Variants in PAPPA observed in about 807,000 individuals in gnomAD.
PAPPA encodes the protein pappalysin-1.
In PAPPA, 60 loss-of-function variants were observed where a neutral mutation model predicts 164.0. The observed-to-expected ratio is 0.37, with a 90% CI of 0.30 to 0.45. The LOEUF is 0.45. PAPPA is among the 20% of genes least tolerant of loss of function. The pLI, the probability that PAPPA is intolerant of heterozygous loss-of-function variation, is 1.00. For synonymous variants in PAPPA, 875 were observed against 814.1 expected (o/e 1.07, Z -1.27); for missense variants, 1,782 against 2,087.3 (o/e 0.85, Z 2.85).
chr9:116,334,945 C>A lies in PAPPA; in HGVS notation c.3482C>A (p.Ala1161Glu), dbSNP rs375673848. The change falls in exon 13 of 22, where the codon GCG becomes GAG. Residue 1161 changes from alanine to glutamate, a missense_variant. Transcript: ENST00000328252. ...AGCCAGCCCTTCTACCACAGCCAGG[C>A]GGTACGTGTGAGCTTCAGTTCGCCC... ...DLSQPFYHSQ[A>E]VRVSFSSPLV... is the part of the protein sequence containing the mutation. 1.2e-6 allele frequency: 2 copies of A among 1,613,546 alleles called. No individual in the cohort carries two copies. Among genetic ancestry groups the A allele is most frequent in the Admixed American group, 1.7e-5 (1 of 59,978 alleles).
In PAPPA at chr9:116,402,108, T is replaced by A. The variant is rs967125793; in HGVS notation, c.*5492T>A. 4 of 152,556 alleles carry A rather than the reference T, an allele frequency of 2.6e-5. No individual in the cohort carries two copies. The highest frequency in any genetic ancestry group is 7.2e-5 in the African/African-American group (3 of 41,442). The allele number at this position is 152,556 out of a possible 1,614,324, so 9.5% of individuals were successfully genotyped here. A position where few individuals can be genotyped will look rare whatever the true frequency, so the allele number is the denominator to read the frequency against. ...CACAATTGTTCATCTAATTTATTTT[T>A]TCTATACAGTTTTAAATACTCAGAC... On this transcript the variant is annotated 3_prime_UTR_variant, in exon 22 of 22. Transcript: ENST00000328252.
intron 10 of PAPPA, among the ~76,000 whole-genome samples, chr9:116,304,632 T>C (rs756334446): frequency 6.6e-5 from 10 of 152,200 alleles, no homozygotes; most frequent in Non-Finnish European, 1.3e-4. Context: ...TTTTCCAGTC[T>C]TAGCATTTGA....
At chr9:116,219,351 C>A (rs1483599225) in intron 4 of PAPPA, among the ~76,000 whole-genome samples, 2 of 152,206 alleles carry the variant, frequency 1.3e-5, no homozygotes, top group Non-Finnish European at 2.9e-5. Flanking sequence ...TCTTTCCATG[C>A]CCTTGGGCAC....
chr9:116,259,919 G>T (rs1481193046), intron 7 of PAPPA, among the ~76,000 whole-genome samples: 1 of 151,926 alleles, frequency 6.6e-6, no homozygotes, highest in Non-Finnish European at 1.5e-5. Flanking sequence ...ACCAACCTAG[G>T]TATCTATCAA....
intron 1 of PAPPA, among the ~76,000 whole-genome samples, chr9:116,180,491 G>A (rs1384282038): frequency 1.3e-5 from 2 of 152,108 alleles, no homozygotes; most frequent in Non-Finnish European, 2.9e-5. Flanking sequence ...GCTTAGTAAA[G>A]AGACTACTAA....
intron 12 of PAPPA, 23 bp from the exon 13 acceptor site, chr9:116,334,838 G>T (rs754031165): frequency 6.3e-7 from 1 of 1,590,662 alleles, no homozygotes. Context: ...CTGGCCCCTC[G>T]GCCCCTCTGT....
intron 1 of PAPPA, among the ~76,000 whole-genome samples, chr9:116,178,189 C>T (rs999123309): frequency 1.3e-5 from 2 of 152,232 alleles, no homozygotes; most frequent in African/African-American, 4.8e-5. Flanking sequence ...TTACTGCAAT[C>T]TCTGCCTCCT....
intron 19 of PAPPA, among the ~76,000 whole-genome samples, chr9:116,372,479 C>G (rs1317398472): frequency 6.6e-6 from 1 of 152,162 alleles, no homozygotes; most frequent in Non-Finnish European, 1.5e-5. Flanking sequence ...AGCCTAGAAG[C>G]TGTTGGCTTG....
At chr9:116,305,134 GACACACACACAC>G (rs57723920) in intron 10 of PAPPA, among the ~76,000 whole-genome samples, 46 of 129,958 alleles carry the variant, frequency 3.5e-4, no homozygotes, top group Admixed American at 1.1e-3. Context: ...TGGGCACACA[GACACACACACAC>G]ACACACACAC....
chr9:116,303,526 G>C (rs755293031), intron 10 of PAPPA, among the ~76,000 whole-genome samples: 4 of 152,150 alleles, frequency 2.6e-5, no homozygotes, highest in Non-Finnish European at 5.9e-5. Flanking sequence ...TTAGTCCAGG[G>C]AGTGAGAGTT....
intron 7 of PAPPA, among the ~76,000 whole-genome samples, chr9:116,244,944 C>T (rs374141564): frequency 2.6e-5 from 4 of 152,046 alleles, no homozygotes; most frequent in South Asian, 2.1e-4. Flanking sequence ...ATAAAGAAAA[C>T]GAGGTATATG....
intron 5 of PAPPA, 33 bp downstream of exon 5, chr9:116,220,162 C>T (rs774422215): frequency 6.7e-7 from 1 of 1,498,806 alleles, no homozygotes; most frequent in Non-Finnish European, 9.1e-7. Context: ...TGATCCCTCT[C>T]TCTCTCTCCT....
intron 2 of PAPPA, among the ~76,000 whole-genome samples, chr9:116,203,641 C>G (rs1010205791): frequency 7.9e-5 from 12 of 152,192 alleles, no homozygotes; most frequent in African/African-American, 2.9e-4. Context: ...CTATCCTAAT[C>G]AGTGATGCCT....
rs143731517 is a variant in PAPPA at position 116,366,984 on chromosome 9, C to T, written c.4496-661C>T. 3.0e-3 allele frequency among the ~76,000 whole-genome samples: 455 copies of T among 152,238 alleles called. 1 individual carries two copies. Among genetic ancestry groups the T allele is most frequent in the African/African-American group, 8.7e-3 (361 of 41,544 alleles). On this transcript the variant is annotated intron_variant, in intron 18 of 21. Coordinates refer to ENST00000328252, the MANE Select transcript of PAPPA (RefSeq NM_002581.5). ...TGCATTTATGTGCTCATCATTCACT[C>T]GGCCAGTGCTCACTGAGCTCTACCT...
chr9:116,345,691 G>A (rs1238784640), intron 14 of PAPPA, among the ~76,000 whole-genome samples: 1 of 152,166 alleles, frequency 6.6e-6, no homozygotes, highest in Non-Finnish European at 1.5e-5. Flanking sequence ...AGTAAGACTG[G>A]TAGCAGGGAG....
At chr9:116,367,546 CA>C (rs887386525) in intron 18 of PAPPA, 98 bp from the exon 19 acceptor site, 1 of 828,292 alleles carries the variant, frequency 1.2e-6, no homozygotes, top group Non-Finnish European at 2.0e-6. Context: ...CTGAGTCCAC[CA>C]GGGACCAGGG....
intron 1 of PAPPA, among the ~76,000 whole-genome samples, chr9:116,175,020 A>C (rs1208329926): frequency 1.3e-5 from 2 of 152,218 alleles, no homozygotes; most frequent in African/African-American, 2.4e-5. Flanking sequence ...GAAAACGGAC[A>C]CCTGAGAGAG....
intron 7 of PAPPA, among the ~76,000 whole-genome samples, chr9:116,239,703 TAGAC>T (rs1445211383): frequency 6.6e-6 from 1 of 152,140 alleles, no homozygotes; most frequent in African/African-American, 2.4e-5. Context: ...AGTAATGACA[TAGAC>T]AGGCCTCAAA....
rs77757396 is a variant in PAPPA, at chr9:116,211,043, C to G, written c.1625-596C>G. On this transcript the variant is annotated intron_variant, in intron 3 of 21. Transcript: ENST00000328252. ...TTGATTAAGAGTCCTGCTCAAGTGA[C>G]ATTAGCTAGTATGAAAACTGTTACA... Among the ~76,000 whole-genome samples, 771 of 152,330 alleles carry G rather than the reference C, an allele frequency of 5.1e-3. 4 individuals are homozygous for G. Among genetic ancestry groups the G allele is most frequent in the African/African-American group, 0.018 (732 of 41,568 alleles).
Sources: allele counts gnomAD v4.1 joint callset (sites outside exome capture counted in the v4.1 genomes callset), GRCh38; gene constraint gnomAD v4.1.1; transcripts MANE v1.5; gene names NCBI Gene and HGNC (gene_info 2026-07-23, HGNC 2026-07-21).